USP16: variants seen among roughly 807,000 people sequenced by gnomAD.
USP16 encodes the protein ubiquitin specific peptidase 16.
Under a neutral mutation model 95.9 loss-of-function variants are expected in USP16, and 77 were observed. That is an observed-to-expected ratio of 0.80 (90% CI 0.67 to 0.97). The LOEUF (loss-of-function observed/expected upper bound fraction) is 0.97, where lower values mean the gene tolerates loss of function less well. USP16 is among the 50% of genes least tolerant of loss of function. The pLI is 0.00. For synonymous variants in USP16, 303 were observed against 318.2 expected, an observed-to-expected ratio of 0.95 and a Z score of 0.51; for missense variants, 943 against 959.9, an observed-to-expected ratio of 0.98 and a Z score of 0.23.
intron 2 of USP16, 149 bp downstream of exon 2, chr21:29,028,123 C>CT (rs35801969): frequency 0.39 from 165,157 of 426,292 alleles, 14,318 homozygotes; most frequent in South Asian, 0.42. Flanking sequence ...TAGTCTTCTA[C>CT]TTTTTTTTTT....
chr21:29,029,328 G>A (rs1177530514), intron 2 of USP16, among the ~76,000 whole-genome samples: 1 of 152,164 alleles, frequency 6.6e-6, no homozygotes, highest in Non-Finnish European at 1.5e-5. Context: ...CAGGAGAATG[G>A]CGTGAACCTG....
chr21:29,025,646 A>T, intron 1 of USP16: 1 of 536,228 alleles, frequency 1.9e-6, no homozygotes, highest in Non-Finnish European at 2.4e-6. Flanking sequence ...CAGATTTACT[A>T]GTGCTGTCTT....
Position 29,038,940 on chromosome 21 carries a change from G to A in USP16, c.733-86G>A, listed in dbSNP as rs889815915. The A allele has an allele frequency of 4.6e-6, 6 of 1,301,196 alleles. No homozygotes were observed. In the South Asian group the frequency reaches 1.3e-4, roughly 29 times the overall value. The allele number at this position is 1,301,196 out of a possible 1,614,324, so 80.6% of individuals were successfully genotyped here. On this transcript the variant is annotated intron_variant, in intron 7 of 17. Coordinates refer to ENST00000399976, the MANE Select transcript of USP16 (RefSeq NM_006447.3). ...TGGGGCAGTTCTGTCAGGAACATTGGTAGTATATGTTAACTAATTAGATTT... is the reference window on the plus strand; with the variant it reads ...TGGGGCAGTTCTGTCAGGAACATTGATAGTATATGTTAACTAATTAGATTT...
At chr21:29,049,086 T>C (rs944928394) in intron 15 of USP16, among the ~76,000 whole-genome samples, 4 of 152,172 alleles carry the variant, frequency 2.6e-5, no homozygotes, top group African/African-American at 9.7e-5. Flanking sequence ...TCCCTCTTTT[T>C]AGTACGATTG....
chr21:29,051,518 T>A (rs530924979), intron 16 of USP16, among the ~76,000 whole-genome samples: 1 of 152,218 alleles, frequency 6.6e-6, no homozygotes, highest in African/African-American at 2.4e-5. Flanking sequence ...CCACAAAGGA[T>A]CTCAAAGAAT....
intron 6 of USP16, among the ~76,000 whole-genome samples, chr21:29,037,798 C>T (rs2085183723): frequency 6.6e-6 from 1 of 152,074 alleles, no homozygotes; most frequent in Admixed American, 6.5e-5. Flanking sequence ...GTTGCCTAGG[C>T]TAGTCTTGAA....
At chr21:29,024,960 C>A in intron 1 of USP16, 183 bp downstream of exon 1, 1 of 562,080 alleles carries the variant, frequency 1.8e-6, no homozygotes, top group Non-Finnish European at 2.6e-6. Flanking sequence ...CAGAAGCTGG[C>A]CAATGAGATG....
chr21:29,049,023 C>T (rs1008737346), intron 15 of USP16, among the ~76,000 whole-genome samples, 168 bp downstream of exon 15: 5 of 152,116 alleles, frequency 3.3e-5, no homozygotes, highest in African/African-American at 9.7e-5. Context: ...TAGGCAGAGG[C>T]GCATGTGAAG....
At position 29,046,812 on chromosome 21, in the gene USP16, A is replaced by T; in HGVS notation, c.1502A>T (p.Glu501Val). The T allele has an allele frequency of 6.2e-7, 1 of 1,614,150 alleles. No homozygotes were observed. Among genetic ancestry groups the T allele is most frequent in the Non-Finnish European group, 8.5e-7 (1 of 1,180,018 alleles). Residue 501 changes from glutamate (E) to valine (V), a missense_variant, in exon 14 of 18, where the codon GAG becomes GTG. Transcript: ENST00000399976. ...VNIKSNHISQ[E>V]GVMHKEYCVN... is the part of the protein sequence containing the mutation. ...ATTAAATCCAACCATATTTCACAAG[A>T]GGGTGTTATGCATAAAGAATATTGT...
At chr21:29,048,982 A>C in intron 15 of USP16, 127 bp downstream of exon 15, 1 of 728,506 alleles carries the variant, frequency 1.4e-6, no homozygotes, top group Non-Finnish European at 2.2e-6. Flanking sequence ...CTGTAATGTC[A>C]ATGAAGTCAG....
intron 5 of USP16, 29 bp from the exon 6 acceptor site, chr21:29,037,247 A>G (rs781736806): frequency 7.1e-7 from 1 of 1,413,974 alleles, no homozygotes; most frequent in African/African-American, 1.4e-5. Context: ...TGTATTACAC[A>G]TTTTGCTAAA....
At chr21:29,042,194 T>C (rs974653613) in intron 11 of USP16, 90 bp downstream of exon 11, 1 of 1,181,680 alleles carries the variant, frequency 8.5e-7, no homozygotes, top group Admixed American at 2.4e-5. Context: ...TCTACCTTCA[T>C]AGGATATCTT....
chr21:29,048,066 T>C (rs978669426), intron 14 of USP16, among the ~76,000 whole-genome samples: 2 of 149,242 alleles, frequency 1.3e-5, no homozygotes, highest in African/African-American at 5.0e-5. Context: ...TGTGTGTGTG[T>C]GTGTGTGTGT....
chr21:29,043,950 C>T (rs1044923543), intron 13 of USP16, among the ~76,000 whole-genome samples: 7 of 151,608 alleles, frequency 4.6e-5, no homozygotes, highest in Non-Finnish European at 7.4e-5. Flanking sequence ...TTTTCCAACC[C>T]GAGATGGAGT....
At chr21:29,044,658 G>T (rs2085296895) in intron 13 of USP16, among the ~76,000 whole-genome samples, 1 of 151,946 alleles carries the variant, frequency 6.6e-6, no homozygotes, top group Non-Finnish European at 1.5e-5. Context: ...TGTTGGTCAG[G>T]CTGGTCTCTA....
chr21:29,025,730 T>C (rs1017121705), intron 1 of USP16: 1 of 984,848 alleles, frequency 1.0e-6, no homozygotes, highest in Non-Finnish European at 1.2e-6. Context: ...TTCATTCTTA[T>C]GTACCTACCT....
intron 2 of USP16, among the ~76,000 whole-genome samples, chr21:29,029,181 A>C (rs954831750): frequency 6.6e-6 from 1 of 152,262 alleles, no homozygotes; most frequent in Admixed American, 6.5e-5. Flanking sequence ...TGGGAGGCCA[A>C]GGCGGGCAGA....
At chr21:29,036,241 C>T in intron 4 of USP16, 30 bp from the exon 5 acceptor site, 1 of 1,562,134 alleles carries the variant, frequency 6.4e-7, no homozygotes, top group Non-Finnish European at 8.7e-7. Flanking sequence ...GTCATTTTGT[C>T]ATTTTTCATC....
chr21:29,047,786 G>A (rs1222717024), intron 14 of USP16, among the ~76,000 whole-genome samples: 1 of 150,032 alleles, frequency 6.7e-6, no homozygotes, highest in Non-Finnish European at 1.5e-5. Context: ...TTTTTTTTTT[G>A]AGTTTGGGTA....
Sources: allele counts gnomAD v4.1 joint callset (sites outside exome capture counted in the v4.1 genomes callset), GRCh38; gene constraint gnomAD v4.1.1; transcripts MANE v1.5; gene names NCBI Gene and HGNC (gene_info 2026-07-23, HGNC 2026-07-21).